NBAS: variants seen among roughly 807,000 people sequenced by gnomAD.
NBAS encodes NAG/BC035112 fusion.
A neutral mutation model predicts 302.5 loss-of-function variants in NBAS; 219 were observed. The ratio of observed to expected loss-of-function variants is 0.72; its 90% confidence interval spans 0.65 to 0.81. The LOEUF is 0.81. Ranked by LOEUF, NBAS falls within the 30% of genes least tolerant of loss-of-function variation. The pLI is 0.00. For missense variants in NBAS, 2,932 were observed against 2,841.6 expected (o/e 1.03, Z -0.72); for synonymous variants, 1,118 against 1,021.6 (o/e 1.09, Z -1.80).
At chr2:15,397,518 G>T (rs750466789) in intron 26 of NBAS, 4 of 589,814 alleles carry the variant, frequency 6.8e-6, no homozygotes, top group Non-Finnish European at 1.3e-5. Flanking sequence ...CAGGCTTCAT[G>T]ATATCAATTC....
At chr2:15,467,942 T>C (rs1385806752) in intron 17 of NBAS, 138 bp from the exon 18 acceptor site, 5 of 798,672 alleles carry the variant, frequency 6.3e-6, no homozygotes, top group Admixed American at 5.6e-5. Context: ...ACTTTTGCCA[T>C]TGTAAACAAA....
In NBAS at chr2:15,387,356, G is replaced by T. The variant is rs189080426; in HGVS notation, c.3258-4039C>A. The stretch of plus-strand genomic sequence containing the variant: ...TGCTGGGATTACAGGCGTAATGAAT[G>T]TATGAATATTAATTGTTCAGTTTTC... On this transcript the variant is annotated intron_variant, in intron 28 of 51. Transcript: ENST00000281513. Among the ~76,000 whole-genome samples, 774 of 151,916 alleles carry T rather than the reference G, an allele frequency of 5.1e-3. 3 individuals are homozygous for T. Among genetic ancestry groups the T allele is most frequent in the African/African-American group, 0.017 (689 of 41,462 alleles).
At chr2:15,486,744 T>G (rs1680644978) in intron 12 of NBAS, among the ~76,000 whole-genome samples, 1 of 152,204 alleles carries the variant, frequency 6.6e-6, no homozygotes, top group African/African-American at 2.4e-5. Context: ...ACTTTTACTT[T>G]TTTTAATAGA....
At chr2:15,038,407 C>T in the NBAS span, among the ~76,000 whole-genome samples, 11 of 152,094 alleles carry the variant, frequency 7.2e-5, no homozygotes, top group African/African-American at 2.4e-4. Context: ...CACCACGCCC[C>T]GCCAACTGAC....
Position 15,553,455 on chromosome 2 carries a change from A to T in NBAS, c.306T>A (p.Ala102=). The T allele has an allele frequency of 1.2e-6, 2 of 1,611,722 alleles. No homozygotes were observed. The change falls in exon 5 of 52, where the codon GCT becomes GCA. Residue 102 remains alanine (A), a synonymous_variant. Transcript: ENST00000281513. ...TTTCCACACACTGATCTTGAACAGC[A>T]GCCAAAAGCTTTCCATTGCTTTTAT... The part of the protein sequence containing the change: ...LVLASNGKLL[A]AVQDQCVEIR...
At chr2:15,163,572 C>T (rs548103597), downstream of NBAS, among the ~76,000 whole-genome samples, 109 of 152,242 alleles carry the variant, frequency 7.2e-4, no homozygotes, top group African/African-American at 2.4e-3. Context: ...AACCACTGGG[C>T]CAGATGGACT....
chr2:15,523,782 T>C (rs890743557), intron 9 of NBAS, among the ~76,000 whole-genome samples: 35 of 152,140 alleles, frequency 2.3e-4, no homozygotes, highest in African/African-American at 8.2e-4. Flanking sequence ...GGCGTGGTGG[T>C]AGACACCTGT....
the NBAS span, among the ~76,000 whole-genome samples, chr2:14,982,507 A>C: frequency 6.6e-6 from 1 of 152,206 alleles, no homozygotes; most frequent in South Asian, 2.1e-4. Context: ...TCCCAGGTTA[A>C]GAGCGGTGCA....
At position 15,478,975 on chromosome 2, in the gene NBAS, T is replaced by C. The variant is rs922789357; in HGVS notation, c.1084-686A>G. ...ATAGTATGGGCAAAGAGTAAAAAAA[T>C]AGTTGGGGTGCTCATTTGAAATCTG... On this transcript the variant is annotated intron_variant, in intron 12 of 51. Transcript: ENST00000281513. Among the ~76,000 whole-genome samples the C allele has an allele frequency of 3.3e-5, 5 of 152,134 alleles. No homozygotes were observed. The South Asian group carries it at 8.3e-4, about 25-fold the overall frequency.
At chr2:15,387,761 A>G (rs1675378749) in intron 28 of NBAS, among the ~76,000 whole-genome samples, 1 of 151,974 alleles carries the variant, frequency 6.6e-6, no homozygotes, top group African/African-American at 2.4e-5. Flanking sequence ...CCTCCCTAGT[A>G]GCTGGGACTA....
At chr2:15,083,573 A>G in the NBAS span, among the ~76,000 whole-genome samples, 3 of 152,236 alleles carry the variant, frequency 2.0e-5, no homozygotes, top group Non-Finnish European at 4.4e-5. Flanking sequence ...ATCTCAGAAT[A>G]ATGTTGTCAT....
At chr2:15,437,284 A>T (rs1222935041) in intron 21 of NBAS, among the ~76,000 whole-genome samples, 3 of 152,052 alleles carry the variant, frequency 2.0e-5, no homozygotes, top group Non-Finnish European at 4.4e-5. Flanking sequence ...GGAGTTTGAG[A>T]CCATCCTGGG....
In NBAS at chr2:15,536,519, G is replaced by A; in HGVS notation, c.546C>T (p.Ala182=). 1 of 1,612,168 alleles carries A rather than the reference G, an allele frequency of 6.2e-7. No individual in the cohort carries two copies. Among genetic ancestry groups the A allele is most frequent in the South Asian group, 1.1e-5 (1 of 91,056 alleles). ...ATTCTAAAAATATCAACCCAGCAAT[G>A]GCATAGCTTAAGTCACCTATAAAAC... ...ASSFIGDLSY[A]IAGLIFLEYK... The change falls in exon 8 of 52, where the codon GCC becomes GCT. Residue 182 remains alanine (A), a synonymous_variant. Transcript: ENST00000281513.
At chr2:15,517,536 T>TACAC (rs912635051) in intron 9 of NBAS, among the ~76,000 whole-genome samples, 1 of 151,752 alleles carries the variant, frequency 6.6e-6, no homozygotes, top group Non-Finnish European at 1.5e-5. Context: ...TGTGAATGTA[T>TACAC]ACACACACAC....
At chr2:15,388,335 G>C (rs552462611) in intron 28 of NBAS, among the ~76,000 whole-genome samples, 1 of 151,838 alleles carries the variant, frequency 6.6e-6, no homozygotes, top group Admixed American at 6.6e-5. Flanking sequence ...GGTATTTAAT[G>C]TGTTGATACC....
At chr2:15,042,080 A>G in the NBAS span, among the ~76,000 whole-genome samples, 3 of 152,204 alleles carry the variant, frequency 2.0e-5, no homozygotes, top group African/African-American at 7.2e-5. Context: ...TCCTCCTGAT[A>G]TTTCTGGAAC....
chr2:15,433,349 T>G (rs767951502), intron 21 of NBAS, among the ~76,000 whole-genome samples: 2 of 152,138 alleles, frequency 1.3e-5, no homozygotes, highest in Admixed American at 6.5e-5. Flanking sequence ...GATTAGTTAG[T>G]ACATAAAGGC....
chr2:14,791,029 AT>A, the NBAS span, among the ~76,000 whole-genome samples: 3 of 152,054 alleles, frequency 2.0e-5, no homozygotes, highest in Non-Finnish European at 4.4e-5. Context: ...CTGATTTTGT[AT>A]TTTTAGTAGA....
chr2:15,480,889 T>C (rs1680402515), intron 12 of NBAS, among the ~76,000 whole-genome samples: 1 of 152,220 alleles, frequency 6.6e-6, no homozygotes, highest in African/African-American at 2.4e-5. Flanking sequence ...TTAGTGCATT[T>C]ACCATGTTGT....
Sources: allele counts gnomAD v4.1 joint callset (sites outside exome capture counted in the v4.1 genomes callset), GRCh38; gene constraint gnomAD v4.1.1; transcripts MANE v1.5; gene names NCBI Gene and HGNC (gene_info 2026-07-23, HGNC 2026-07-21).